SLC38A9: variants seen among roughly 807,000 people sequenced by gnomAD.
SLC38A9 encodes solute carrier family 38 member 9.
A neutral mutation model predicts 62.3 loss-of-function variants in SLC38A9; 48 were observed. The ratio of observed to expected loss-of-function variants is 0.77; its 90% CI spans 0.61 to 0.98. The LOEUF (loss-of-function observed/expected upper bound fraction) is 0.98, where lower values mean the gene tolerates loss of function less well. SLC38A9 is among the 50% of genes least tolerant of loss of function. The pLI, the probability that SLC38A9 is intolerant of heterozygous loss-of-function variation, is 0.00. For missense variants in SLC38A9, 541 were observed against 679.8 expected (o/e 0.80, Z 2.27); for synonymous variants, 204 against 227.7 (o/e 0.90, Z 0.94).
chr5:55,668,422 G>A (rs545480605), intron 7 of SLC38A9, among the ~76,000 whole-genome samples: 1 of 152,172 alleles, frequency 6.6e-6, no homozygotes, highest in Admixed American at 6.5e-5. Flanking sequence ...TTTTTAAGAT[G>A]AAGTATTGCT....
Position 55,664,684 on chromosome 5 carries a change from G to C in SLC38A9, c.697+9C>G. The C allele has an allele frequency of 1.4e-6, 2 of 1,448,906 alleles. No individual in the cohort carries two copies. Among genetic ancestry groups the C allele is most frequent in the Non-Finnish European group, 1.9e-6 (2 of 1,072,112 alleles). 89.8% of individuals were successfully genotyped at this position (1,448,906 alleles called of 1,614,324 possible). Reference sequence around the variant, plus strand: ...TACTGTGTTAAAAGCATATGATATAGATACTTACTAAAAATAAACTTTCCA... The same window carrying C: ...TACTGTGTTAAAAGCATATGATATACATACTTACTAAAAATAAACTTTCCA... On this transcript the variant is annotated intron_variant, in intron 8 of 15. Transcript: ENST00000396865.
chr5:55,693,136 T>TA, intron 3 of SLC38A9: 19 of 359,082 alleles, frequency 5.3e-5, no homozygotes, highest in South Asian at 1.2e-4. Flanking sequence ...AATTGTTGGG[T>TA]GTCTACCTAA....
intron 3 of SLC38A9, among the ~76,000 whole-genome samples, chr5:55,680,568 G>A (rs1436137767): frequency 6.6e-6 from 1 of 151,224 alleles, no homozygotes; most frequent in Non-Finnish European, 1.5e-5. Context: ...AAATGCCAGT[G>A]CCTTGATCTC....
At chr5:55,657,062 C>T (rs372264509) in intron 8 of SLC38A9, among the ~76,000 whole-genome samples, 39 of 152,052 alleles carry the variant, frequency 2.6e-4, no homozygotes, top group Non-Finnish European at 3.5e-4. Flanking sequence ...CAGGTTTCAC[C>T]GTGTTAGCCA....
chr5:55,649,442 T>A, intron 10 of SLC38A9, 128 bp from the exon 11 acceptor site: 2 of 535,260 alleles, frequency 3.7e-6, no homozygotes, highest in South Asian at 7.6e-5. Flanking sequence ...TTATCTCCAC[T>A]AACACCCAGC....
chr5:55,690,481 C>T (rs752167790), intron 3 of SLC38A9, among the ~76,000 whole-genome samples: 1 of 152,166 alleles, frequency 6.6e-6, no homozygotes, highest in Non-Finnish European at 1.5e-5. Context: ...ATACAATTAG[C>T]AAGTTGGCCA....
intron 12 of SLC38A9, among the ~76,000 whole-genome samples, chr5:55,643,572 C>G (rs567178935): frequency 1.3e-5 from 2 of 152,210 alleles, no homozygotes; most frequent in South Asian, 4.1e-4. Flanking sequence ...CATGCTTCCT[C>G]TACCCTTACT....
chr5:55,676,586 G>A (rs1752127669), intron 3 of SLC38A9, among the ~76,000 whole-genome samples: 1 of 152,148 alleles, frequency 6.6e-6, no homozygotes, highest in Non-Finnish European at 1.5e-5. Context: ...TCAAAATTTA[G>A]TAGAGAGACT....
chr5:55,702,378 C>T (rs1437127980), intron 2 of SLC38A9, among the ~76,000 whole-genome samples: 3 of 151,924 alleles, frequency 2.0e-5, no homozygotes, highest in African/African-American at 7.3e-5. Flanking sequence ...CCTCCCACCT[C>T]AGCCTCCCAA....
rs1750916827 is a variant in SLC38A9 at position 55,669,270 on chromosome 5, G to A, written c.484C>T (p.Leu162Phe). Residue 162 changes from leucine to phenylalanine, a missense_variant, in exon 7 of 16, where the codon CTT becomes TTT. Physicochemically the swap from Leu to Phe is conservative, Grantham distance 22 (BLOSUM62 0). Coordinates refer to ENST00000396865, the MANE Select transcript of SLC38A9 (RefSeq NM_173514.4). Reference protein sequence around the residue: ...CVIILMGLLTLYCCYRVVKSR... With the variant: ...CVIILMGLLTFYCCYRVVKSR... ...TTCACTACTCTGTAGCAGCAATAAAGTGTTAAAAGGCCCATCAGTATGATG... is the reference window on the plus strand; with the variant it reads ...TTCACTACTCTGTAGCAGCAATAAAATGTTAAAAGGCCCATCAGTATGATG... 1 of 1,613,012 alleles carries A rather than the reference G, an allele frequency of 6.2e-7. No individual in the cohort carries two copies. The highest frequency in any genetic ancestry group is 8.5e-7 in the Non-Finnish European group (1 of 1,179,676).
Position 55,626,292 on chromosome 5 carries a change from G to C in SLC38A9, c.*202C>G. 1 of 466,504 alleles carries C rather than the reference G, an allele frequency of 2.1e-6. No individual in the cohort carries two copies. Among genetic ancestry groups the C allele is most frequent in the Non-Finnish European group, 3.8e-6 (1 of 262,044 alleles). 28.9% of individuals were successfully genotyped at this position (466,504 alleles called of 1,614,324 possible). A position where few individuals can be genotyped will look rare whatever the true frequency, so the allele number is the denominator to read the frequency against. On this transcript the variant is annotated 3_prime_UTR_variant, in exon 16 of 16. Transcript: ENST00000396865. The stretch of plus-strand genomic sequence containing the variant: ...GGTGAGTTAATATGAGAAAGGTAAA[G>C]ACACTAAGATCATTCTTTTTGCCCC...
chr5:55,688,474 G>C (rs1297675520), intron 3 of SLC38A9, among the ~76,000 whole-genome samples: 2 of 146,112 alleles, frequency 1.4e-5, no homozygotes, highest in Non-Finnish European at 3.0e-5. Flanking sequence ...CTGCCTCCCG[G>C]GTTCACACCA....
At chr5:55,633,044 T>C (rs184860850) in intron 14 of SLC38A9, among the ~76,000 whole-genome samples, 3 of 152,016 alleles carry the variant, frequency 2.0e-5, no homozygotes, top group African/African-American at 7.3e-5. Context: ...GGTCTCACTG[T>C]ATCACCCAGA....
At chr5:55,695,666 T>A (rs1470699609) in intron 3 of SLC38A9, among the ~76,000 whole-genome samples, 1 of 89,120 alleles carries the variant, frequency 1.1e-5, no homozygotes, top group East Asian at 2.6e-4. Context: ...CATGTCTACT[T>A]CTTTCTACAC....
At chr5:55,682,929 G>A (rs1424358337) in intron 3 of SLC38A9, among the ~76,000 whole-genome samples, 1 of 151,338 alleles carries the variant, frequency 6.6e-6, no homozygotes, top group African/African-American at 2.4e-5. Context: ...ATGAATGTTT[G>A]CTGACAAAAG....
At chr5:55,663,951 A>T (rs1167623536) in intron 8 of SLC38A9, among the ~76,000 whole-genome samples, 1 of 152,194 alleles carries the variant, frequency 6.6e-6, no homozygotes, top group Non-Finnish European at 1.5e-5. Flanking sequence ...AACATATATT[A>T]AACTTTAGGT....
chr5:55,699,292 C>T (rs1447478681), intron 2 of SLC38A9, among the ~76,000 whole-genome samples: 1 of 152,142 alleles, frequency 6.6e-6, no homozygotes, highest in East Asian at 1.9e-4. Context: ...CTACTGACCA[C>T]ATCATGTGTG....
intron 6 of SLC38A9, 57 bp from the exon 7 acceptor site, chr5:55,669,378 A>G: frequency 6.8e-7 from 1 of 1,460,378 alleles, no homozygotes; most frequent in Non-Finnish European, 9.4e-7. Flanking sequence ...ATAAATTCAT[A>G]TGCAATTATT....
At chr5:55,665,715 G>C (rs1750354561) in intron 7 of SLC38A9, among the ~76,000 whole-genome samples, 1 of 152,108 alleles carries the variant, frequency 6.6e-6, no homozygotes, top group South Asian at 2.1e-4. Flanking sequence ...TGTAATCCTA[G>C]CACTTTGGGA....
Sources: allele counts gnomAD v4.1 joint callset (sites outside exome capture counted in the v4.1 genomes callset), GRCh38; gene constraint gnomAD v4.1.1; transcripts MANE v1.5; gene names NCBI Gene and HGNC (gene_info 2026-07-23, HGNC 2026-07-21).